STK33: variants seen among roughly 807,000 people sequenced by gnomAD.
STK33 encodes the protein serine/threonine-protein kinase 33.
In STK33, 52 loss-of-function variants were observed where a neutral mutation model predicts 58.0. The ratio of observed to expected loss-of-function variants is 0.90; its 90% CI spans 0.72 to 1.13. The LOEUF (loss-of-function observed/expected upper bound fraction) is 1.13. Ranked by LOEUF, STK33 falls within the 50% of genes most tolerant of loss-of-function variation. The pLI, the probability that STK33 is intolerant of heterozygous loss-of-function variation, is 0.00. For synonymous variants in STK33, 215 were observed against 200.1 expected (o/e 1.07, Z -0.63); for missense variants, 630 against 604.2 (o/e 1.04, Z -0.45).
At chr11:8,482,999 G>T (rs1949940860) in intron 1 of STK33, among the ~76,000 whole-genome samples, 1 of 152,076 alleles carries the variant, frequency 6.6e-6, no homozygotes, top group Non-Finnish European at 1.5e-5. Flanking sequence ...CCAAAGTGCT[G>T]GGATTACAGA....
intron 1 of STK33, among the ~76,000 whole-genome samples, chr11:8,550,605 G>C (rs767491264): frequency 6.6e-6 from 1 of 152,122 alleles, no homozygotes; most frequent in African/African-American, 2.4e-5. Context: ...TCTCTCTCAA[G>C]TTCAAAGTTC....
chr11:8,456,164 T>C (rs1437001906), intron 9 of STK33, among the ~76,000 whole-genome samples: 1 of 152,240 alleles, frequency 6.6e-6, no homozygotes, highest in East Asian at 1.9e-4. Context: ...ACTGAATTTA[T>C]AGCTTAATAG....
intron 14 of STK33, among the ~76,000 whole-genome samples, chr11:8,422,471 T>C (rs1942066208): frequency 6.6e-6 from 1 of 152,150 alleles, no homozygotes; most frequent in Non-Finnish European, 1.5e-5. Context: ...AGGTATAGTC[T>C]TAGGATAAAT....
the STK33 span, among the ~76,000 whole-genome samples, chr11:8,339,106 G>A: frequency 1.3e-5 from 2 of 152,122 alleles, no homozygotes; most frequent in Non-Finnish European, 1.5e-5. Flanking sequence ...GGGGGAAAGT[G>A]GCTCATTTCC....
At chr11:8,570,764 T>C (rs1957753797) in intron 1 of STK33, among the ~76,000 whole-genome samples, 1 of 152,072 alleles carries the variant, frequency 6.6e-6, no homozygotes, top group South Asian at 2.1e-4. Context: ...GGGGGGGTGA[T>C]GGATATGTTC....
intron 11 of STK33, among the ~76,000 whole-genome samples, chr11:8,444,864 T>A (rs1005935279): frequency 6.6e-6 from 1 of 152,092 alleles, no homozygotes; most frequent in Non-Finnish European, 1.5e-5. Flanking sequence ...ATTTTTATTA[T>A]CTAAAAGGTT....
At position 8,550,048 on chromosome 11, in the gene STK33, A is replaced by G. The variant is rs549054842; in HGVS notation, c.-466+44035T>C. Among the ~76,000 whole-genome samples the G allele has an allele frequency of 3.9e-5, 6 of 152,314 alleles. 1 individual carries two copies. The South Asian group carries it at 1.2e-3, about 32-fold the overall frequency. ...TTGTATTTCCATAATTACAAATCTCACTCTGAACAAATCATGGCTCTCAGT... is the reference window on the plus strand; with the variant it reads ...TTGTATTTCCATAATTACAAATCTCGCTCTGAACAAATCATGGCTCTCAGT... On this transcript the variant is annotated intron_variant, in intron 1 of 15. Transcript: ENST00000687296.
chr11:8,442,283 C>A (rs1944854506), intron 11 of STK33, among the ~76,000 whole-genome samples: 1 of 152,138 alleles, frequency 6.6e-6, no homozygotes, highest in Non-Finnish European at 1.5e-5. Context: ...TACTTAAAAT[C>A]TTTAAATATG....
intron 1 of STK33, among the ~76,000 whole-genome samples, chr11:8,560,358 G>A (rs1480266135): frequency 6.6e-6 from 1 of 152,048 alleles, no homozygotes; most frequent in Non-Finnish European, 1.5e-5. Context: ...ATGAGGCTAA[G>A]TATTTTTTCA....
chr11:8,430,335 C>T (rs1350787704), intron 14 of STK33, among the ~76,000 whole-genome samples: 1 of 152,056 alleles, frequency 6.6e-6, no homozygotes, highest in East Asian at 1.9e-4. Flanking sequence ...TTTTTACCCA[C>T]TTTTTAAAAA....
intron 1 of STK33, among the ~76,000 whole-genome samples, chr11:8,544,931 T>A (rs1050089628): frequency 6.6e-6 from 1 of 152,172 alleles, no homozygotes; most frequent in Admixed American, 6.5e-5. Context: ...GTTATTCCAA[T>A]AAGAAATATT....
intron 1 of STK33, among the ~76,000 whole-genome samples, chr11:8,520,169 G>A (rs1026934076): frequency 8.5e-5 from 13 of 152,120 alleles, no homozygotes; most frequent in Non-Finnish European, 1.9e-4. Context: ...TTCATCCCTG[G>A]GATGCAAGGC....
At chr11:8,432,306 A>T (rs906584495) in intron 14 of STK33, among the ~76,000 whole-genome samples, 5 of 152,192 alleles carry the variant, frequency 3.3e-5, no homozygotes, top group Non-Finnish European at 7.4e-5. Flanking sequence ...TTGAAGGAAT[A>T]CCAAGGCAAT....
the STK33 span, among the ~76,000 whole-genome samples, chr11:8,338,964 T>C: frequency 6.6e-6 from 1 of 152,174 alleles, no homozygotes. Context: ...CCTGCAAGTG[T>C]GCAGGCCCAT....
the STK33 span, among the ~76,000 whole-genome samples, chr11:8,376,566 G>A: frequency 7.3e-5 from 11 of 150,244 alleles, no homozygotes; most frequent in Admixed American, 7.3e-4. Context: ...TTTTTTAGAT[G>A]GAGTCTCACT....
At chr11:8,409,613 G>A (rs1447823419) in intron 15 of STK33, among the ~76,000 whole-genome samples, 1 of 152,092 alleles carries the variant, frequency 6.6e-6, no homozygotes. Flanking sequence ...AACTCAGAGG[G>A]CAAACAAGGT....
intron 14 of STK33, among the ~76,000 whole-genome samples, chr11:8,422,831 C>CT (rs1942126627): frequency 1.3e-5 from 2 of 151,460 alleles, no homozygotes; most frequent in South Asian, 2.1e-4. Context: ...TTCTCTCTCT[C>CT]TTTTTTTTCT....
chr11:8,504,812 A>G (rs574543744), intron 1 of STK33, among the ~76,000 whole-genome samples: 1 of 152,232 alleles, frequency 6.6e-6, no homozygotes, highest in South Asian at 2.1e-4. Context: ...AAAAAGGAAA[A>G]TAAATAAATT....
At chr11:8,593,884 G>T (rs1369534461) in intron 1 of STK33, 199 bp downstream of exon 1, 1 of 152,324 alleles carries the variant, frequency 6.6e-6, no homozygotes, top group Non-Finnish European at 1.5e-5. Context: ...CAACGGCTGG[G>T]CCCCAGGAGA....
Sources: gnomAD v4.1 joint callset for allele counts (sites outside exome capture counted in the v4.1 genomes callset) on GRCh38, gnomAD v4.1.1 for gene constraint, MANE v1.5 for transcripts, NCBI Gene and HGNC (gene_info 2026-07-23, HGNC 2026-07-21) for gene names.